The following BICRAL variants were observed in gnomAD, a reference collection of about 807,000 sequenced individuals.
The protein encoded by BICRAL is BRD4-interacting chromatin-remodeling complex-associated protein-like.
Under a neutral mutation model 91.8 loss-of-function variants are expected in BICRAL, and 8 were observed. The observed-to-expected ratio is 0.09, with a 90% confidence interval of 0.05 to 0.16. The LOEUF (loss-of-function observed/expected upper bound fraction) is 0.16. Ranked by LOEUF, BICRAL falls within the 10% of genes least tolerant of loss-of-function variation. BICRAL has a pLI of 1.00. For missense variants in BICRAL, 1,038 were observed against 1,310.9 expected (o/e 0.79, Z 3.21); for synonymous variants, 445 against 491.1 (o/e 0.91, Z 1.24).
At chr6:42,771,277 C>T (rs554162987) in intron 1 of BICRAL, among the ~76,000 whole-genome samples, 38 of 152,364 alleles carry the variant, frequency 2.5e-4, no homozygotes, top group African/African-American at 8.7e-4. Context: ...CTGCGGGCCG[C>T]CGCTGCGCCC....
chr6:42,845,679 A>G (rs1183615031), intron 6 of BICRAL, among the ~76,000 whole-genome samples: 1 of 151,982 alleles, frequency 6.6e-6, no homozygotes, highest in Non-Finnish European at 1.5e-5. Flanking sequence ...TCTTTACATT[A>G]TTCCAAACCA....
chr6:42,814,519 A>ATATATATATATATATAT (rs1237976324), intron 2 of BICRAL, among the ~76,000 whole-genome samples: 5 of 80,212 alleles, frequency 6.2e-5, no homozygotes, highest in African/African-American at 2.6e-4. Context: ...ATATATATAT[A>ATATATATATATATATAT]TTTTTTTTTT....
chr6:42,792,661 C>CT (rs1477226834), intron 1 of BICRAL, among the ~76,000 whole-genome samples: 1 of 104 alleles, frequency 9.6e-3, no homozygotes, highest in Admixed American at 0.12. Context: ...TGCTTGTAAT[C>CT]CCGCACTTTG....
At chr6:42,762,555 A>G (rs370988453) in intron 1 of BICRAL, among the ~76,000 whole-genome samples, 2 of 152,202 alleles carry the variant, frequency 1.3e-5, no homozygotes, top group East Asian at 3.8e-4. Context: ...ACAAAGTCTA[A>G]GTATTTAATT....
At chr6:42,818,012 A>G (rs1362188374) in intron 2 of BICRAL, among the ~76,000 whole-genome samples, 1 of 151,356 alleles carries the variant, frequency 6.6e-6, no homozygotes, top group Non-Finnish European at 1.5e-5. Context: ...TATCTGCAGT[A>G]CAAATACCTG....
upstream of BICRAL, among the ~76,000 whole-genome samples, chr6:42,746,561 G>C (rs1370114621): frequency 6.6e-6 from 1 of 152,076 alleles, no homozygotes; most frequent in African/African-American, 2.4e-5. Flanking sequence ...GATGGAGCGG[G>C]GGGGAATATT....
intron 1 of BICRAL, among the ~76,000 whole-genome samples, chr6:42,760,888 G>A (rs1290271557): frequency 1.3e-5 from 2 of 152,152 alleles, no homozygotes; most frequent in African/African-American, 4.8e-5. Flanking sequence ...TGGGCATGCT[G>A]GCTGGCGCCT....
At chr6:42,856,017 T>A (rs1326132288) in intron 9 of BICRAL, 100 bp downstream of exon 9, 1 of 953,390 alleles carries the variant, frequency 1.0e-6, no homozygotes, top group African/African-American at 1.6e-5. Context: ...ATAATGAGTA[T>A]ATTAGCCTTT....
At chr6:42,778,490 T>C (rs1762833497), upstream of BICRAL, among the ~76,000 whole-genome samples, 1 of 152,232 alleles carries the variant, frequency 6.6e-6, no homozygotes, top group Non-Finnish European at 1.5e-5. Context: ...TCTAGCATAG[T>C]GCCTGGTGGC....
At position 42,867,956 on chromosome 6, in the gene BICRAL, C is replaced by G. The variant is rs1247211011; in HGVS notation, c.*2510C>G. 2 of 152,586 alleles carry G rather than the reference C, an allele frequency of 1.3e-5. No homozygotes were observed. The highest frequency in any genetic ancestry group is 2.9e-5 in the Non-Finnish European group (2 of 68,030). The allele number at this position is 152,586 out of a possible 1,614,324, so 9.5% of individuals were successfully genotyped here. On this transcript the variant is annotated 3_prime_UTR_variant, in exon 13 of 13. Transcript: ENST00000314073. ...GGGTCATAACTCGCATGTCGAGCCC[C>G]CTCTAGTGAAGGGTAGGAGAGCTCA... is the stretch of plus-strand genomic sequence containing the variant.
intron 6 of BICRAL, among the ~76,000 whole-genome samples, chr6:42,833,098 C>G (rs1443534194): frequency 6.6e-6 from 1 of 151,400 alleles, no homozygotes; most frequent in Non-Finnish European, 1.5e-5. Context: ...CTCTGTTGCC[C>G]AGGCTGGAGT....
At chr6:42,757,078 C>T (rs1481442132) in intron 1 of BICRAL, among the ~76,000 whole-genome samples, 2 of 152,020 alleles carry the variant, frequency 1.3e-5, no homozygotes, top group East Asian at 1.9e-4. Flanking sequence ...AGTGACACTT[C>T]TATTGCATTC....
At chr6:42,855,946 A>G (rs1765337929) in intron 9 of BICRAL, 29 bp downstream of exon 9, 4 of 1,562,924 alleles carry the variant, frequency 2.6e-6, no homozygotes, top group African/African-American at 1.4e-5. Flanking sequence ...TGACAAATCA[A>G]TTCTGAACAC....
chr6:42,785,813 C>T (rs899337167), intron 1 of BICRAL, among the ~76,000 whole-genome samples: 3 of 152,102 alleles, frequency 2.0e-5, no homozygotes, highest in East Asian at 3.9e-4. Context: ...CCCAGCACTT[C>T]GGGAGGCCGA....
At chr6:42,861,213 G>T (rs576529749) in intron 11 of BICRAL, among the ~76,000 whole-genome samples, 2 of 151,850 alleles carry the variant, frequency 1.3e-5, no homozygotes, top group African/African-American at 4.8e-5. Flanking sequence ...GGTGAAACTC[G>T]TCTCTACTAA....
chr6:42,805,938 T>C (rs1282982615), intron 1 of BICRAL, among the ~76,000 whole-genome samples: 1 of 150,564 alleles, frequency 6.6e-6, no homozygotes, highest in East Asian at 2.0e-4. Context: ...GGAGGCAGAG[T>C]GTGCAGTGAG....
intron 1 of BICRAL, among the ~76,000 whole-genome samples, chr6:42,804,783 T>C (rs1763663824): frequency 6.6e-6 from 1 of 152,180 alleles, no homozygotes; most frequent in African/African-American, 2.4e-5. Context: ...AATCTAAAAG[T>C]TGCCTGCCTT....
chr6:42,859,092 A>G (rs1562498679), intron 10 of BICRAL, among the ~76,000 whole-genome samples: 1 of 151,826 alleles, frequency 6.6e-6, no homozygotes. Flanking sequence ...TCCAGCGTTA[A>G]ACAGGGGGTG....
At chr6:42,844,099 G>A (rs1764903256) in intron 6 of BICRAL, among the ~76,000 whole-genome samples, 2 of 150,728 alleles carry the variant, frequency 1.3e-5, no homozygotes, top group East Asian at 4.0e-4. Flanking sequence ...ACCGCGCCTG[G>A]CCAGCATATA....
Sources: gnomAD v4.1 joint callset for allele counts (sites outside exome capture counted in the v4.1 genomes callset) on GRCh38, gnomAD v4.1.1 for gene constraint, MANE v1.5 for transcripts, NCBI Gene and HGNC (gene_info 2026-07-23, HGNC 2026-07-21) for gene names.